ANKRD36C: variants seen among roughly 807,000 people sequenced by gnomAD.
ANKRD36C encodes the protein ankyrin repeat domain 36C.
A neutral mutation model predicts 276.4 loss-of-function variants in ANKRD36C; 61 were observed. The observed-to-expected ratio is 0.22, with a 90% CI of 0.18 to 0.27. ANKRD36C has a LOEUF of 0.27. Among genes scored for constraint, ANKRD36C ranks in the 10% least tolerant of loss-of-function variants. The pLI is 1.00. For missense variants in ANKRD36C, 1,447 were observed against 2,032.3 expected, an observed-to-expected ratio of 0.71 and a Z score of 5.54; for synonymous variants, 483 against 680.1, an observed-to-expected ratio of 0.71 and a Z score of 4.51.
At chr2:95,864,172 T>A (rs1675640043) in intron 60 of ANKRD36C, among the ~76,000 whole-genome samples, 1 of 152,088 alleles carries the variant, frequency 6.6e-6, no homozygotes, top group Admixed American at 6.6e-5. Context: ...TAAATGAGAC[T>A]TTAGTAAATT....
chr2:95,863,081 G>C (rs1029714978), intron 60 of ANKRD36C, among the ~76,000 whole-genome samples: 13 of 152,030 alleles, frequency 8.6e-5, no homozygotes, highest in Non-Finnish European at 1.9e-4. Context: ...CTCAATAAAT[G>C]TGATAAAGCT....
At chr2:95,914,876 T>G (rs1315183974) in intron 38 of ANKRD36C, among the ~76,000 whole-genome samples, 1 of 151,526 alleles carries the variant, frequency 6.6e-6, no homozygotes, top group Admixed American at 6.6e-5. Flanking sequence ...ATATTCATTA[T>G]CTCTCACACC....
intron 60 of ANKRD36C, among the ~76,000 whole-genome samples, chr2:95,866,964 T>C (rs1358182818): frequency 6.6e-6 from 1 of 152,190 alleles, no homozygotes; most frequent in Non-Finnish European, 1.5e-5. Context: ...TGATGCAGTA[T>C]AAAGCTCGAG....
At chr2:95,922,009 C>T (rs1294316630) in intron 32 of ANKRD36C, among the ~76,000 whole-genome samples, 199 bp from the exon 33 acceptor site, 1 of 151,538 alleles carries the variant, frequency 6.6e-6, no homozygotes, top group Non-Finnish European at 1.5e-5. Context: ...ATATTCCTAA[C>T]TATTTCAAAC....
At chr2:95,896,950 T>C (rs1382566321) in intron 44 of ANKRD36C, among the ~76,000 whole-genome samples, 1 of 147,140 alleles carries the variant, frequency 6.8e-6, no homozygotes, top group Non-Finnish European at 1.5e-5. Flanking sequence ...ACTTCCTCTC[T>C]TTCTCCTTCC....
At chr2:95,987,636 A>G (rs1374661833) in intron 1 of ANKRD36C, among the ~76,000 whole-genome samples, 1 of 100,068 alleles carries the variant, frequency 1.0e-5, no homozygotes, top group Non-Finnish European at 1.8e-5. Context: ...TTTTTTTGAG[A>G]CGGAGTCTCG....
rs1312680335 is a variant in ANKRD36C at position 95,888,056 on chromosome 2, G to A, written c.2988+36C>T. 3 of 1,609,588 alleles carry A rather than the reference G, an allele frequency of 1.9e-6. No homozygotes were observed. The African/African-American group carries it at 4.0e-5, about 22-fold the overall frequency. ...TAAACTATGTTTCATAGACCACACA[G>A]TTAATAGTTCACAATATAAATGACA... On this transcript the variant is annotated intron_variant, in intron 49 of 66. Coordinates refer to ENST00000456556, the Ensembl canonical transcript of ANKRD36C.
chr2:95,923,420 G>T, intron 32 of ANKRD36C, 75 bp downstream of exon 32: 1 of 1,544,230 alleles, frequency 6.5e-7, no homozygotes, highest in Non-Finnish European at 8.8e-7. Flanking sequence ...TGAGCCCCCC[G>T]CTGATTTATT....
chr2:95,851,748 T>C lies in ANKRD36C; in HGVS notation c.5259A>G (p.Lys1753=). 2.0e-6 allele frequency: 3 copies of C among 1,533,916 alleles called. No individual in the cohort carries two copies. In the East Asian group the frequency reaches 7.2e-5, roughly 37 times the overall value. Residue 1753 remains lysine, a synonymous_variant, in exon 66 of 67, where the codon AAA becomes AAG. Coordinates refer to ENST00000456556, the Ensembl canonical transcript of ANKRD36C. ...ACCGCTCAATTTGTTCATCCTGTTT[T>C]TTAATAATTTTTCTCATCATGACAT...
At chr2:95,975,445 A>G (rs1373207967) in intron 6 of ANKRD36C, among the ~76,000 whole-genome samples, 1 of 152,242 alleles carries the variant, frequency 6.6e-6, no homozygotes, top group Admixed American at 6.5e-5. Flanking sequence ...GACCAATGGA[A>G]CAGAACAGAG....
intron 54 of ANKRD36C, 144 bp downstream of exon 74, chr2:95,884,029 C>G: frequency 1.0e-6 from 1 of 972,012 alleles, no homozygotes; most frequent in Non-Finnish European, 1.5e-6. Flanking sequence ...TCAGCGTCAC[C>G]CGAGAACTTA....
chr2:95,947,733 A>C (rs898429655), intron 17 of ANKRD36C, among the ~76,000 whole-genome samples: 13 of 152,176 alleles, frequency 8.5e-5, no homozygotes, highest in Admixed American at 5.9e-4. Flanking sequence ...AAGAGTTTAA[A>C]GTATACTCAA....
chr2:95,911,269 A>C (rs776597866), intron 42 of ANKRD36C, among the ~76,000 whole-genome samples: 27 of 151,598 alleles, frequency 1.8e-4, no homozygotes, highest in Admixed American at 3.9e-4. Flanking sequence ...AAATATCATC[A>C]ATTATCAATT....
chr2:95,856,925 A>G (rs900669718), intron 62 of ANKRD36C, among the ~76,000 whole-genome samples: 10 of 152,176 alleles, frequency 6.6e-5, no homozygotes, highest in Non-Finnish European at 1.3e-4. Flanking sequence ...AAGTCAAGAA[A>G]ATTAAATCTA....
chr2:95,967,224 G>A (rs954452520), intron 6 of ANKRD36C, among the ~76,000 whole-genome samples: 1 of 152,132 alleles, frequency 6.6e-6, no homozygotes, highest in Non-Finnish European at 1.5e-5. Context: ...CAGAATGGGA[G>A]GAAATGTTTG....
intron 44 of ANKRD36C, among the ~76,000 whole-genome samples, chr2:95,894,699 C>G (rs1335045349): frequency 2.0e-5 from 3 of 151,352 alleles, no homozygotes; most frequent in East Asian, 2.0e-4. Context: ...ATTTCTATAA[C>G]TAAAATCAAC....
At position 95,857,920 on chromosome 2, in the gene ANKRD36C, G is replaced by T. The variant is rs144482530; in HGVS notation, c.3897-428C>A. 1.6e-3 allele frequency among the ~76,000 whole-genome samples: 235 copies of T among 151,374 alleles called. 1 individual carries two copies. Among genetic ancestry groups the T allele is most frequent in the African/African-American group, 5.5e-3 (229 of 41,404 alleles). ...CTGAAGTCTGCTGAGAGATTCCTCT[G>T]CACAGTAAAACTTGGTTTCCACAAT... is the stretch of plus-strand genomic sequence containing the variant. On this transcript the variant is annotated intron_variant, in intron 61 of 66. Coordinates refer to ENST00000456556, the Ensembl canonical transcript of ANKRD36C.
intron 6 of ANKRD36C, among the ~76,000 whole-genome samples, chr2:95,971,902 C>T (rs1678708790): frequency 6.6e-6 from 1 of 152,080 alleles, no homozygotes; most frequent in Admixed American, 6.5e-5. Flanking sequence ...GTATAGAAAC[C>T]TGTTAAATAT....
intron 34 of ANKRD36C, among the ~76,000 whole-genome samples, chr2:95,918,698 G>A (rs1213597699): frequency 2.0e-5 from 3 of 151,576 alleles, no homozygotes; most frequent in African/African-American, 4.8e-5. Flanking sequence ...TCGTCAAGTC[G>A]TGGCACCAAA....
Sources: allele counts gnomAD v4.1 joint callset (sites outside exome capture counted in the v4.1 genomes callset), GRCh38; gene constraint gnomAD v4.1.1; transcripts MANE v1.5; gene names NCBI Gene and HGNC (gene_info 2026-07-23, HGNC 2026-07-21).